The following DYNLT5 variants were observed in gnomAD, a reference collection of about 807,000 sequenced individuals.
DYNLT5 encodes dynein light chain Tctex-type family member 5, also known as dynein light chain Tctex-type 5.
Under a neutral mutation model 19.3 loss-of-function variants are expected in DYNLT5, and 25 were observed. That is an observed-to-expected ratio of 1.30 (90% CI 0.95 to 1.81). The LOEUF is 1.81. Ranked by LOEUF, DYNLT5 falls within the 40% of genes most tolerant of loss-of-function variation. The pLI is 0.00. For missense variants in DYNLT5, 232 were observed against 217.9 expected (o/e 1.06, Z -0.41); for synonymous variants, 82 against 68.9 (o/e 1.19, Z -0.94).
intron 2 of DYNLT5, among the ~76,000 whole-genome samples, chr1:66,763,100 T>C (rs190528075): frequency 1.6e-4 from 25 of 152,372 alleles, no homozygotes; most frequent in Admixed American, 5.2e-4. Context: ...TTAGCAGGCA[T>C]GAAAGCAACA....
At chr1:66,762,186 T>G (rs1337609388) in intron 2 of DYNLT5, among the ~76,000 whole-genome samples, 5 of 152,224 alleles carry the variant, frequency 3.3e-5, no homozygotes, top group Non-Finnish European at 7.3e-5. Flanking sequence ...TATTGAAAAT[T>G]TCAATTATGC....
intron 4 of DYNLT5, 94 bp downstream of exon 4, chr1:66,776,497 T>C (rs1645235877): frequency 1.4e-6 from 2 of 1,431,938 alleles, no homozygotes; most frequent in Admixed American, 4.6e-5. Flanking sequence ...GGAATTAATT[T>C]GCAGTAACAG....
intron 3 of DYNLT5, among the ~76,000 whole-genome samples, chr1:66,773,189 G>C (rs1168356808): frequency 1.3e-5 from 2 of 152,136 alleles, no homozygotes; most frequent in Non-Finnish European, 2.9e-5. Flanking sequence ...AGTGGCACCT[G>C]GTTGTTTGCA....
intron 2 of DYNLT5, among the ~76,000 whole-genome samples, chr1:66,762,255 G>A (rs1017316739): frequency 2.0e-5 from 3 of 152,020 alleles, no homozygotes; most frequent in East Asian, 1.9e-4. Flanking sequence ...ATCAGATCAC[G>A]GTGATTAGCA....
intron 3 of DYNLT5, chr1:66,775,598 G>A (rs1016170872): frequency 6.6e-6 from 1 of 152,210 alleles, no homozygotes; most frequent in Admixed American, 6.5e-5. Flanking sequence ...CCAATATCAA[G>A]TGGATTAGGA....
chr1:66,777,700 T>C lies in DYNLT5; in HGVS notation c.*246T>C. On this transcript the variant is annotated 3_prime_UTR_variant, in exon 5 of 5. Coordinates refer to ENST00000282670, the MANE Select transcript of DYNLT5 (RefSeq NM_152665.3). ...TTTGCTGGATTGCTTTCCATAGACA[T>C]AGATTCTTATTAAATATTTGTTTTG... is the stretch of plus-strand genomic sequence containing the variant. The C allele has an allele frequency of 9.1e-6, 3 of 331,438 alleles. No individual in the cohort carries two copies. The East Asian group carries it at 1.5e-4, about 16-fold the overall frequency. The allele number at this position is 331,438 out of a possible 1,614,324, so 20.5% of individuals were successfully genotyped here. A position where few individuals can be genotyped will look rare whatever the true frequency, so the allele number is the denominator to read the frequency against.
chr1:66,761,945 G>A (rs554387404), intron 2 of DYNLT5, among the ~76,000 whole-genome samples: 8 of 152,140 alleles, frequency 5.3e-5, no homozygotes, highest in South Asian at 2.1e-4. Context: ...ATCTCAAACC[G>A]TGCCACTCCT....
At chr1:66,762,310 T>G (rs1317223286) in intron 2 of DYNLT5, among the ~76,000 whole-genome samples, 1 of 152,262 alleles carries the variant, frequency 6.6e-6, no homozygotes, top group Non-Finnish European at 1.5e-5. Context: ...GTTGGGAACA[T>G]TCAATGTCCT....
At chr1:66,760,072 A>G (rs1306852077) in intron 2 of DYNLT5, among the ~76,000 whole-genome samples, 2 of 152,088 alleles carry the variant, frequency 1.3e-5, no homozygotes. Flanking sequence ...TTTGTTCATG[A>G]AGGCCTACCT....
At chr1:66,763,042 A>G (rs1214695342) in intron 2 of DYNLT5, among the ~76,000 whole-genome samples, 1 of 152,212 alleles carries the variant, frequency 6.6e-6, no homozygotes, top group Non-Finnish European at 1.5e-5. Flanking sequence ...AAATGAGATG[A>G]AGGTCGAAAT....
chr1:66,771,776 G>T (rs1490028036), intron 3 of DYNLT5, among the ~76,000 whole-genome samples: 4 of 152,180 alleles, frequency 2.6e-5, no homozygotes, highest in African/African-American at 9.7e-5. Context: ...TGCTGGAAGG[G>T]TTTGAATCAG....
At chr1:66,759,005 G>A (rs780377530) in intron 2 of DYNLT5, among the ~76,000 whole-genome samples, 4 of 152,018 alleles carry the variant, frequency 2.6e-5, no homozygotes, top group African/African-American at 4.8e-5. Flanking sequence ...CTGAGATATA[G>A]CCTCCCCCAA....
Position 66,761,416 on chromosome 1 carries a change from C to T in DYNLT5, c.119+6639C>T, listed in dbSNP as rs529585252. 3.3e-5 allele frequency among the ~76,000 whole-genome samples: 5 copies of T among 152,316 alleles called. No homozygotes were observed. The South Asian group carries it at 8.3e-4, about 25-fold the overall frequency. ...ATCTTTTTGCTAGTGGAGGGCCTTG[C>T]CTCAGTGTTGACATCTGCTGACTAA... On this transcript the variant is annotated intron_variant, in intron 2 of 4. Transcript: ENST00000282670.
At chr1:66,770,815 C>T in intron 3 of DYNLT5, 1 of 316,442 alleles carries the variant, frequency 3.2e-6, no homozygotes, top group Non-Finnish European at 6.1e-6. Flanking sequence ...ATATTTTATC[C>T]AACAAAACCA....
intron 2 of DYNLT5, among the ~76,000 whole-genome samples, chr1:66,763,292 T>C (rs1042580910): frequency 6.6e-6 from 1 of 152,222 alleles, no homozygotes; most frequent in Non-Finnish European, 1.5e-5. Flanking sequence ...GTTTCACTTA[T>C]AGAACACAGT....
At chr1:66,768,828 C>T (rs1397705000) in intron 2 of DYNLT5, 2 of 152,074 alleles carry the variant, frequency 1.3e-5, no homozygotes, top group Non-Finnish European at 2.9e-5. Context: ...TATAATCATA[C>T]TTGGGACTTT....
intron 2 of DYNLT5, among the ~76,000 whole-genome samples, chr1:66,756,902 G>A (rs536726551): frequency 1.3e-5 from 2 of 152,278 alleles, no homozygotes; most frequent in East Asian, 3.9e-4. Flanking sequence ...CTCCTTGCCT[G>A]CAATGCTCTT....
At chr1:66,773,744 G>T (rs768387570) in intron 3 of DYNLT5, among the ~76,000 whole-genome samples, 10 of 151,984 alleles carry the variant, frequency 6.6e-5, no homozygotes, top group Non-Finnish European at 8.8e-5. Context: ...ACTTTTTAAG[G>T]ACAAGTTTTG....
chr1:66,777,331 G>A lies in DYNLT5; in HGVS notation c.417G>A (p.Arg139=), dbSNP rs1436033712. Residue 139 remains arginine (R), a synonymous_variant, in exon 5 of 5, where the codon AGG becomes AGA. Coordinates refer to ENST00000282670, the MANE Select transcript of DYNLT5 (RefSeq NM_152665.3). The part of the protein sequence containing the change: ...IVIVHIGQLN[R]QSILIGSRCL... Reference sequence around the variant, plus strand: ...TTGTTCACATTGGACAACTGAACAGGCAGAGCATACTTATTGGAAGCAGAT... The same window carrying A: ...TTGTTCACATTGGACAACTGAACAGACAGAGCATACTTATTGGAAGCAGAT... 1.2e-6 allele frequency: 2 copies of A among 1,613,788 alleles called. No homozygotes were observed. Among genetic ancestry groups the A allele is most frequent in the Non-Finnish European group, 1.7e-6 (2 of 1,179,900 alleles).
Sources: allele counts gnomAD v4.1 joint callset (sites outside exome capture counted in the v4.1 genomes callset), GRCh38; gene constraint gnomAD v4.1.1; transcripts MANE v1.5; gene names NCBI Gene and HGNC (gene_info 2026-07-23, HGNC 2026-07-21).